The following WDR45B variants were observed in gnomAD, a reference collection of about 807,000 sequenced individuals.
WDR45B encodes WD repeat domain 45B.
A neutral mutation model predicts 44.6 loss-of-function variants in WDR45B; 20 were observed. The ratio of observed to expected loss-of-function variants is 0.45; its 90% CI spans 0.32 to 0.65. The LOEUF is 0.65. WDR45B is among the 30% of genes least tolerant of loss of function. The probability of loss-of-function intolerance (pLI) is 0.05; values close to 1 mark genes in which losing one functional copy is unlikely to be tolerated. For synonymous variants in WDR45B, 169 were observed against 164.9 expected (o/e 1.02, Z -0.19); for missense variants, 323 against 430.2 (o/e 0.75, Z 2.20).
At chr17:82,625,649 G>A in intron 4 of WDR45B, 166 bp from the exon 5 acceptor site, 1 of 701,832 alleles carries the variant, frequency 1.4e-6, no homozygotes, top group South Asian at 1.6e-5. Flanking sequence ...CGCCAGGCCT[G>A]GAGCTCGGCG....
At chr17:82,646,699 C>G (rs1217454985) in intron 1 of WDR45B, among the ~76,000 whole-genome samples, 1 of 152,068 alleles carries the variant, frequency 6.6e-6, no homozygotes, top group Non-Finnish European at 1.5e-5. Flanking sequence ...CACCTGAACA[C>G]TTATGATATA....
rs535111617 is a variant in WDR45B at position 82,617,434 on chromosome 17, G to T, written c.705-37C>A. 6 of 1,601,440 alleles carry T rather than the reference G, an allele frequency of 3.7e-6. No homozygotes were observed. The Admixed American group carries it at 8.4e-5, about 22-fold the overall frequency. ...ACCAGCACAGCTCAGGCCTTGTGTG[G>T]ATGTGGAGGAGTCCAGAGACTTAAC... On this transcript the variant is annotated intron_variant, in intron 7 of 9. Transcript: ENST00000392325.
intron 3 of WDR45B, among the ~76,000 whole-genome samples, chr17:82,630,233 A>C (rs2045749699): frequency 6.6e-6 from 1 of 151,172 alleles, no homozygotes. Context: ...ATCTGACGGC[A>C]TCTCCTTCCT....
At chr17:82,622,558 G>A (rs56399740) in intron 5 of WDR45B, among the ~76,000 whole-genome samples, 1,694 of 152,006 alleles carry the variant, frequency 0.011, 37 homozygotes, top group South Asian at 0.065. Flanking sequence ...TCAGCCTCCC[G>A]AGTAGCTGGG....
At chr17:82,617,713 G>A (rs541907860) in intron 7 of WDR45B, among the ~76,000 whole-genome samples, 1 of 152,260 alleles carries the variant, frequency 6.6e-6, no homozygotes, top group South Asian at 2.1e-4. Flanking sequence ...TGCCGCTCAG[G>A]GCTGCTCTCA....
At chr17:82,648,198 G>A in intron 1 of WDR45B, 76 bp downstream of exon 1, 1 of 1,518,648 alleles carries the variant, frequency 6.6e-7, no homozygotes, top group Non-Finnish European at 8.9e-7. Context: ...GGGCGCCCAG[G>A]AGAGGCCTGA....
At chr17:82,642,634 G>GAT (rs563261771) in intron 2 of WDR45B, among the ~76,000 whole-genome samples, 140 of 152,292 alleles carry the variant, frequency 9.2e-4, no homozygotes, top group Non-Finnish European at 1.7e-3. Flanking sequence ...TGGGGACTGA[G>GAT]CCCTCAACCT....
intron 2 of WDR45B, among the ~76,000 whole-genome samples, chr17:82,633,268 G>A (rs1234714206): frequency 5.9e-5 from 9 of 151,888 alleles, no homozygotes; most frequent in African/African-American, 1.9e-4. Flanking sequence ...CCTATGGAAC[G>A]GCAGAGCATA....
chr17:82,636,659 C>G (rs779564574), intron 2 of WDR45B: 5 of 152,024 alleles, frequency 3.3e-5, no homozygotes, highest in Non-Finnish European at 7.3e-5. Flanking sequence ...TACAATAAAT[C>G]TTTCTGAGTT....
chr17:82,629,846 A>G (rs1049331752), intron 3 of WDR45B: 3 of 985,134 alleles, frequency 3.0e-6, no homozygotes, highest in Non-Finnish European at 3.6e-6. Flanking sequence ...TAAGTACGTG[A>G]TATCACCCAG....
Position 82,644,355 on chromosome 17 carries a change from A to G in WDR45B, c.68-332T>C, listed in dbSNP as rs1304261925. The G allele has an allele frequency of 8.0e-5, 31 of 388,910 alleles. No individual in the cohort carries two copies. The East Asian group carries it at 1.9e-3, about 23-fold the overall frequency. The allele number at this position is 388,910 out of a possible 1,614,324, so 24.1% of individuals were successfully genotyped here. A position where few individuals can be genotyped will look rare whatever the true frequency, so the allele number is the denominator to read the frequency against. On this transcript the variant is annotated intron_variant, in intron 1 of 9. Coordinates refer to ENST00000392325, the MANE Select transcript of WDR45B (RefSeq NM_019613.4). ...GGACACTTCTAGAGGAAAGCCACCA[A>G]GCAGGCAATCCCGCCCACTGTGGAC...
At chr17:82,630,472 C>T (rs537612420) in intron 3 of WDR45B, among the ~76,000 whole-genome samples, 19 of 152,256 alleles carry the variant, frequency 1.2e-4, no homozygotes, top group East Asian at 3.9e-4. Context: ...AGAGCTCTTA[C>T]GCCACATCAT....
At chr17:82,645,936 C>CAGG (rs758579537) in intron 1 of WDR45B, among the ~76,000 whole-genome samples, 4 of 151,408 alleles carry the variant, frequency 2.6e-5, no homozygotes, top group Non-Finnish European at 5.9e-5. Flanking sequence ...TCCTGGCTAA[C>CAGG]ACGGTGAAAC....
chr17:82,632,894 C>T (rs202217635), intron 2 of WDR45B, among the ~76,000 whole-genome samples: 11 of 152,142 alleles, frequency 7.2e-5, no homozygotes, highest in East Asian at 1.9e-4. Flanking sequence ...ATTCGCCGGC[C>T]GCAGTGGCTC....
rs201780751 is a variant in WDR45B, at chr17:82,621,738, C to A, written c.489G>T (p.Thr163=). The change falls in exon 6 of 10, where the codon ACG becomes ACT. Residue 163 remains threonine, a synonymous_variant. Coordinates refer to ENST00000392325, the MANE Select transcript of WDR45B (RefSeq NM_019613.4). ...NSLLAFPGTH[T]GHVQLVDLAS... ...CCAGGTCCACAAGCTGCACATGGCC[C>A]GTGTGCGTGCCCGGAAAGGCCAGGA... 1 of 1,614,038 alleles carries A rather than the reference C, an allele frequency of 6.2e-7. No individual in the cohort carries two copies. The highest frequency in any genetic ancestry group is 1.3e-5 in the African/African-American group (1 of 74,910).
At chr17:82,621,519 G>A in intron 6 of WDR45B, 90 bp downstream of exon 6, 4 of 1,568,294 alleles carry the variant, frequency 2.6e-6, no homozygotes, top group South Asian at 1.1e-5. Flanking sequence ...CAGGCCCACT[G>A]CCTTTTGAGT....
intron 3 of WDR45B, chr17:82,629,572 C>T (rs968422949): frequency 2.4e-5 from 24 of 985,494 alleles, no homozygotes; most frequent in Non-Finnish European, 2.9e-5. Flanking sequence ...AGATCTCAAG[C>T]CCTGTCTTCC....
intron 2 of WDR45B, among the ~76,000 whole-genome samples, chr17:82,641,195 G>A (rs1347898562): frequency 6.6e-6 from 1 of 151,978 alleles, no homozygotes; most frequent in Non-Finnish European, 1.5e-5. Flanking sequence ...TCGAACTCCT[G>A]AGCTCAGGCA....
intron 2 of WDR45B, among the ~76,000 whole-genome samples, chr17:82,635,426 G>GT (rs35735710): frequency 0.054 from 7,296 of 135,570 alleles, 690 homozygotes; most frequent in African/African-American, 0.18. Context: ...GTCTTTTCAG[G>GT]TTTTTTTTTT....
Sources: gnomAD v4.1 joint callset for allele counts (sites outside exome capture counted in the v4.1 genomes callset) on GRCh38, gnomAD v4.1.1 for gene constraint, MANE v1.5 for transcripts, NCBI Gene and HGNC (gene_info 2026-07-23, HGNC 2026-07-21) for gene names.